XPNPEP3: variants seen among roughly 807,000 people sequenced by gnomAD.
XPNPEP3 encodes the protein xaa-Pro aminopeptidase 3.
A neutral mutation model predicts 60.0 loss-of-function variants in XPNPEP3; 41 were observed. The observed-to-expected ratio is 0.68, with a 90% CI of 0.53 to 0.89. The LOEUF is 0.89. XPNPEP3 is among the 40% of genes least tolerant of loss of function. The pLI is 0.00. For synonymous variants in XPNPEP3, 212 were observed against 223.2 expected (o/e 0.95, Z 0.45); for missense variants, 598 against 638.9 (o/e 0.94, Z 0.69).
At chr22:40,899,043 T>G (rs2058120918) in intron 4 of XPNPEP3, among the ~76,000 whole-genome samples, 1 of 152,226 alleles carries the variant, frequency 6.6e-6, no homozygotes. Context: ...ATACTGTTCT[T>G]TGATCTAAAA....
intron 3 of XPNPEP3, among the ~76,000 whole-genome samples, chr22:40,883,958 C>G (rs1365000255): frequency 6.6e-6 from 1 of 152,114 alleles, no homozygotes; most frequent in Non-Finnish European, 1.5e-5. Flanking sequence ...GGTTACAAAT[C>G]ATATCTGAAG....
chr22:40,881,661 T>G, intron 2 of XPNPEP3, 109 bp from the exon 3 acceptor site: 3 of 1,286,996 alleles, frequency 2.3e-6, no homozygotes, highest in South Asian at 2.5e-5. Flanking sequence ...TGAGGAGATT[T>G]GGCATAAATT....
At chr22:40,924,211 G>A (rs1267759196) in intron 8 of XPNPEP3, 151 bp from the exon 9 acceptor site, 2 of 1,051,522 alleles carry the variant, frequency 1.9e-6, no homozygotes, top group African/African-American at 1.6e-5. Context: ...AGTTTTTCAG[G>A]TGCCTTTAAG....
At chr22:40,876,904 C>T (rs937483889) in intron 2 of XPNPEP3, among the ~76,000 whole-genome samples, 5 of 152,066 alleles carry the variant, frequency 3.3e-5, no homozygotes, top group African/African-American at 9.7e-5. Context: ...TTATATGCAG[C>T]GAATTTCACA....
intron 2 of XPNPEP3, among the ~76,000 whole-genome samples, chr22:40,871,039 G>GA (rs1238576892): frequency 6.6e-6 from 1 of 151,330 alleles, no homozygotes; most frequent in Non-Finnish European, 1.5e-5. Context: ...AAAAAAAAAG[G>GA]AAAAAAAATT....
At chr22:40,887,668 C>T (rs1016105280) in intron 4 of XPNPEP3, among the ~76,000 whole-genome samples, 3 of 152,062 alleles carry the variant, frequency 2.0e-5, no homozygotes, top group East Asian at 1.9e-4. Flanking sequence ...ATTAATTCTG[C>T]GGGAAACACA....
At chr22:40,857,894 A>G (rs1482875988) in intron 1 of XPNPEP3, among the ~76,000 whole-genome samples, 1 of 152,254 alleles carries the variant, frequency 6.6e-6, no homozygotes, top group Non-Finnish European at 1.5e-5. Flanking sequence ...TGTGTGAACC[A>G]GAACGTATGG....
intron 3 of XPNPEP3, 133 bp downstream of exon 3, chr22:40,882,310 TAA>T (rs2058051444): frequency 2.0e-6 from 2 of 1,023,534 alleles, no homozygotes; most frequent in Non-Finnish European, 2.9e-6. Context: ...GAAAGAAATG[TAA>T]AGTCTTTTTC....
In XPNPEP3 at chr22:40,928,869, T is replaced by G. The variant is rs973284128; in HGVS notation, c.*2434T>G. On this transcript the variant is annotated 3_prime_UTR_variant, in exon 10 of 10. Coordinates refer to ENST00000357137, the MANE Select transcript of XPNPEP3 (RefSeq NM_022098.4). ...TGACTTCCTCAAGAGACAGATAATG[T>G]GAAAACAAAAGTGATACAAATCATA... The G allele has an allele frequency of 2.0e-5, 3 of 152,152 alleles. No homozygotes were observed. Among genetic ancestry groups the G allele is most frequent in the Admixed American group, 6.6e-5 (1 of 15,262 alleles). 9.4% of individuals were successfully genotyped at this position (152,152 alleles called of 1,614,324 possible).
chr22:40,913,972 C>T (rs1346364577), intron 6 of XPNPEP3, among the ~76,000 whole-genome samples: 4 of 151,852 alleles, frequency 2.6e-5, no homozygotes, highest in African/African-American at 4.8e-5. Flanking sequence ...GGAGAAACCC[C>T]GTCCCTACTA....
chr22:40,893,828 C>T (rs565250489), intron 4 of XPNPEP3, among the ~76,000 whole-genome samples: 1 of 152,220 alleles, frequency 6.6e-6, no homozygotes, highest in East Asian at 1.9e-4. Flanking sequence ...ATTGGTCAGG[C>T]TGATCTAGAA....
intron 6 of XPNPEP3, among the ~76,000 whole-genome samples, chr22:40,909,538 G>A (rs1423150290): frequency 6.6e-6 from 1 of 152,168 alleles, no homozygotes; most frequent in African/African-American, 2.4e-5. Flanking sequence ...GCCAAGGCGG[G>A]TGAATCGCTT....
chr22:40,918,315 G>A (rs1203570748), intron 7 of XPNPEP3, among the ~76,000 whole-genome samples: 2 of 152,046 alleles, frequency 1.3e-5, no homozygotes, highest in South Asian at 2.1e-4. Context: ...TTTTGGTTAC[G>A]GTGAACTATG....
intron 3 of XPNPEP3, among the ~76,000 whole-genome samples, chr22:40,884,323 G>T (rs545306207): frequency 4.0e-5 from 6 of 150,718 alleles, no homozygotes; most frequent in Non-Finnish European, 7.4e-5. Context: ...AGTACTTCTC[G>T]GTCACCATTC....
chr22:40,862,449 G>C, intron 1 of XPNPEP3: 1 of 986,994 alleles, frequency 1.0e-6, no homozygotes, highest in Non-Finnish European at 1.2e-6. Context: ...TTAGAAAAAT[G>C]AAGTACTGAC....
chr22:40,886,493 T>C lies in XPNPEP3; in HGVS notation c.770T>C (p.Ile257Thr), dbSNP rs761374684. The change falls in exon 4 of 10, where the codon ATT becomes ACT. Residue 257 changes from isoleucine to threonine, a missense_variant. By Grantham distance (89) the Ile-to-Thr change is moderately conservative. Coordinates refer to ENST00000357137, the MANE Select transcript of XPNPEP3 (RefSeq NM_022098.4). ...KSPAEIERMQ[I>T]AGKLTSQAFI... ...CCTGCAGAAATTGAACGAATGCAGA[T>C]TGCTGGGAAGCTGACATCACAGGTA... The C allele has an allele frequency of 2.5e-6, 4 of 1,613,994 alleles. No homozygotes were observed. In the Admixed American group the frequency reaches 6.7e-5, roughly 27 times the overall value.
chr22:40,892,334 A>G (rs2058091523), intron 4 of XPNPEP3, among the ~76,000 whole-genome samples: 1 of 152,042 alleles, frequency 6.6e-6, no homozygotes, highest in Admixed American at 6.6e-5. Flanking sequence ...ACAGGCGTGC[A>G]CTACCAGGCC....
intron 5 of XPNPEP3, 48 bp downstream of exon 5, chr22:40,907,697 A>G (rs565445711): frequency 3.2e-6 from 5 of 1,577,706 alleles, no homozygotes; most frequent in African/African-American, 1.3e-5. Context: ...GGTGAATATA[A>G]TAATTTGATT....
chr22:40,886,997 A>G (rs969726871), intron 4 of XPNPEP3, among the ~76,000 whole-genome samples: 1 of 152,132 alleles, frequency 6.6e-6, no homozygotes, highest in Non-Finnish European at 1.5e-5. Flanking sequence ...ATACCTTGCA[A>G]GACAAAGTAA....
Sources: gnomAD v4.1 joint callset for allele counts (sites outside exome capture counted in the v4.1 genomes callset) on GRCh38, gnomAD v4.1.1 for gene constraint, MANE v1.5 for transcripts, NCBI Gene and HGNC (gene_info 2026-07-23, HGNC 2026-07-21) for gene names.